The following PHIP variants were observed in gnomAD, a reference collection of about 807,000 sequenced individuals.
PHIP encodes PH-interacting protein.
Under a neutral mutation model 236.8 loss-of-function variants are expected in PHIP, and 54 were observed. The ratio of observed to expected loss-of-function variants is 0.23; its 90% CI spans 0.18 to 0.29. PHIP has a LOEUF of 0.29. Ranked by LOEUF, PHIP falls within the 10% of genes least tolerant of loss-of-function variation. The pLI, the probability that PHIP is intolerant of heterozygous loss-of-function variation, is 1.00. For missense variants in PHIP, 1,370 were observed against 2,190.8 expected (o/e 0.63, Z 7.48); for synonymous variants, 756 against 718.9 (o/e 1.05, Z -0.83).
chr6:78,953,617 T>C (rs1766205419), intron 35 of PHIP, among the ~76,000 whole-genome samples: 1 of 152,160 alleles, frequency 6.6e-6, no homozygotes, highest in African/African-American at 2.4e-5. Context: ...GAATTAAAGA[T>C]TTCTCTTCCA....
chr6:78,991,850 T>C, intron 19 of PHIP, among the ~76,000 whole-genome samples: 1 of 149,314 alleles, frequency 6.7e-6, no homozygotes, highest in East Asian at 1.9e-4. Flanking sequence ...TTTTTTGTTC[T>C]TAATTTTTTT....
intron 7 of PHIP, among the ~76,000 whole-genome samples, chr6:79,030,995 GT>G (rs1771646695): frequency 6.6e-6 from 1 of 152,106 alleles, no homozygotes; most frequent in Admixed American, 6.5e-5. Context: ...CCAGGCTGGA[GT>G]ATTGTAGTGC....
chr6:79,025,372 C>A, intron 9 of PHIP, 147 bp downstream of exon 9: 6 of 515,658 alleles, frequency 1.2e-5, no homozygotes, highest in South Asian at 6.8e-5. Context: ...AAAAATAAAA[C>A]AGGTTAGTAA....
chr6:79,073,741 G>C (rs1360442541), intron 4 of PHIP, among the ~76,000 whole-genome samples: 2 of 152,014 alleles, frequency 1.3e-5, no homozygotes, highest in Non-Finnish European at 2.9e-5. Context: ...CTTAAACTAT[G>C]ATGGAAATCA....
At chr6:79,063,205 CCT>C (rs949945892) in intron 4 of PHIP, among the ~76,000 whole-genome samples, 2 of 152,102 alleles carry the variant, frequency 1.3e-5, no homozygotes, top group African/African-American at 4.8e-5. Flanking sequence ...GCCATGTTTA[CCT>C]CTGTCTACCC....
chr6:79,001,394 A>G (rs963430024), intron 17 of PHIP, among the ~76,000 whole-genome samples: 3 of 152,106 alleles, frequency 2.0e-5, no homozygotes, highest in Non-Finnish European at 2.9e-5. Flanking sequence ...AACATCTTCA[A>G]TGTGAACAGG....
intron 15 of PHIP, 133 bp downstream of exon 15, chr6:79,014,949 C>G (rs1330052135): frequency 1.6e-6 from 1 of 635,830 alleles, no homozygotes; most frequent in East Asian, 2.7e-5. Flanking sequence ...ATAAATCATT[C>G]TTTATTGATG....
rs772769205 is a variant in PHIP at position 78,970,904 on chromosome 6, A to G, written c.2890-16T>C. 2.6e-6 allele frequency: 4 copies of G among 1,538,948 alleles called. No homozygotes were observed. The highest frequency in any genetic ancestry group is 3.6e-6 in the Non-Finnish European group (4 of 1,120,184). ...AATAATAAACCTAAAAAATAAAGTC[A>G]TAATCTTACAACCTGGATGTGTTTC... On this transcript the variant is annotated splice_polypyrimidine_tract_variant and intron_variant, in intron 24 of 39. Transcript: ENST00000275034.
At chr6:78,978,292 A>G (rs1457471655) in intron 24 of PHIP, among the ~76,000 whole-genome samples, 1 of 152,098 alleles carries the variant, frequency 6.6e-6, no homozygotes, top group Non-Finnish European at 1.5e-5. Context: ...AGATAAATGA[A>G]TATATTTTAA....
At chr6:78,952,417 C>CAAAAAAAAAAGAA (rs756144457) in intron 35 of PHIP, among the ~76,000 whole-genome samples, 11 of 59,908 alleles carry the variant, frequency 1.8e-4, no homozygotes, top group Non-Finnish European at 3.3e-4. Context: ...GACTCTGTCC[C>CAAAAAAAAAAGAA]AAAAAAAAAA....
chr6:78,955,873 A>C (rs1766387478), intron 32 of PHIP, 191 bp from the exon 33 acceptor site: 1 of 333,296 alleles, frequency 3.0e-6, no homozygotes, highest in Non-Finnish European at 5.5e-6. Context: ...TAGAGCTTTC[A>C]GTGTGGCCTC....
At chr6:78,968,376 A>C (rs1767289347) in intron 27 of PHIP, among the ~76,000 whole-genome samples, 2 of 152,220 alleles carry the variant, frequency 1.3e-5, no homozygotes, top group Admixed American at 6.5e-5. Context: ...TCCAATAAAC[A>C]GATTTGGCCC....
rs2127691855 is a variant in PHIP, at chr6:78,955,655, T to A, written c.3810A>T (p.Pro1270=). ...CTTTCTTCTTCATTGAATTATAAAG[T>A]GGAATTATGTTATAACAAGTCTGAT... ...IKDQTCYNII[P]LYNSMKKKVL... is the part of the protein sequence containing the mutation. The change falls in exon 33 of 40, where the codon CCA becomes CCT. Residue 1270 remains proline, a synonymous_variant. Transcript: ENST00000275034. 9.2e-7 allele frequency: 1 copy of A among 1,091,006 alleles called. No homozygotes were observed. The highest frequency in any genetic ancestry group is 2.4e-5 in the East Asian group (1 of 41,708). The allele number at this position is 1,091,006 out of a possible 1,614,324, so 67.6% of individuals were successfully genotyped here. A position where few individuals can be genotyped will look rare whatever the true frequency, so the allele number is the denominator to read the frequency against.
chr6:78,992,120 G>T (rs528850045), intron 19 of PHIP, among the ~76,000 whole-genome samples: 1 of 151,484 alleles, frequency 6.6e-6, no homozygotes, highest in Admixed American at 6.6e-5. Context: ...CCGCCACCTC[G>T]CCCGGCTAAT....
rs1350855867 is a variant in PHIP at position 78,971,209 on chromosome 6, TTTG to T, written c.2890-324_2890-322del. 2.0e-5 allele frequency among the ~76,000 whole-genome samples: 3 copies of T among 152,360 alleles called. No individual in the cohort carries two copies. The South Asian group carries it at 6.2e-4, about 32-fold the overall frequency. On this transcript the variant is annotated intron_variant, in intron 24 of 39. Coordinates refer to ENST00000275034, the MANE Select transcript of PHIP (RefSeq NM_017934.7). ...TTGACTAATAAGTTTATTGTCCACT[TTTG>T]TTGTTAACTTTTTTAGCAAGTAGTT...
chr6:79,042,210 TTAAAA>T (rs1265567203), intron 7 of PHIP, among the ~76,000 whole-genome samples: 3 of 152,026 alleles, frequency 2.0e-5, no homozygotes, highest in Admixed American at 6.6e-5. Flanking sequence ...ATTTTCTCAC[TTAAAA>T]TAAAGCTCAA....
At chr6:79,070,773 T>C (rs1014976107) in intron 4 of PHIP, among the ~76,000 whole-genome samples, 1 of 152,246 alleles carries the variant, frequency 6.6e-6, no homozygotes, top group Non-Finnish European at 1.5e-5. Context: ...CTGCACACTT[T>C]AAATCATCTC....
intron 35 of PHIP, among the ~76,000 whole-genome samples, chr6:78,952,401 G>A (rs1166980116): frequency 7.5e-5 from 10 of 133,864 alleles, no homozygotes; most frequent in East Asian, 4.5e-4. Context: ...CCTGGAGACA[G>A]AGTGAGACTC....
intron 16 of PHIP, 88 bp downstream of exon 16, chr6:79,003,642 G>T: frequency 2.4e-6 from 2 of 837,842 alleles, no homozygotes; most frequent in African/African-American, 1.8e-5. Flanking sequence ...ATGTAAAGAT[G>T]CTGATTCTCA....
Sources: gnomAD v4.1 joint callset for allele counts (sites outside exome capture counted in the v4.1 genomes callset) on GRCh38, gnomAD v4.1.1 for gene constraint, MANE v1.5 for transcripts, NCBI Gene and HGNC (gene_info 2026-07-23, HGNC 2026-07-21) for gene names.